Variants in NF1 observed in about 807,000 individuals in gnomAD.
The protein encoded by NF1 is neurofibromin.
Under a neutral mutation model 325.7 loss-of-function variants are expected in NF1, and 122 were observed. The observed-to-expected ratio is 0.37, with a 90% CI of 0.32 to 0.44. NF1 has a LOEUF of 0.44. NF1 is among the 20% of genes least tolerant of loss of function. The pLI is 1.00. For missense variants in NF1, 2,140 were observed against 3,415.4 expected (o/e 0.63, Z 9.31); for synonymous variants, 1,091 against 1,186.0 (o/e 0.92, Z 1.65).
chr17:31,185,878 T>C (rs891303350), intron 8 of NF1, among the ~76,000 whole-genome samples: 1 of 152,164 alleles, frequency 6.6e-6, no homozygotes, highest in Non-Finnish European at 1.5e-5. Flanking sequence ...CAGGCCCCCA[T>C]AGGTAAATCA....
At chr17:31,334,160 G>A (rs1049819981) in intron 39 of NF1, among the ~76,000 whole-genome samples, 2 of 151,592 alleles carry the variant, frequency 1.3e-5, no homozygotes, top group Non-Finnish European at 1.5e-5. Context: ...GTGGTGGTGG[G>A]CGCCTGTAGT....
rs2070719500 is a variant in NF1 at position 31,375,544 on chromosome 17, AG to A, written c.*1390del. The A allele has an allele frequency of 4.3e-6, 1 of 232,068 alleles. No homozygotes were observed. Among genetic ancestry groups the A allele is most frequent in the Non-Finnish European group, 8.5e-6 (1 of 117,162 alleles). 14.4% of individuals were successfully genotyped at this position (232,068 alleles called of 1,614,324 possible). A position where few individuals can be genotyped will look rare whatever the true frequency, so the allele number is the denominator to read the frequency against. ...TATTGGTATCTGGATGTTCCAATTT[AG>A]AACTAAACCATATTTATTACAAAAA... On this transcript the variant is annotated 3_prime_UTR_variant, in exon 58 of 58. Transcript: ENST00000358273.
intron 8 of NF1, among the ~76,000 whole-genome samples, chr17:31,187,616 CAA>C (rs1567829308): frequency 1.3e-5 from 2 of 152,136 alleles, no homozygotes; most frequent in African/African-American, 4.8e-5. Flanking sequence ...AGGGCTGGAG[CAA>C]AGTTTTCCAG....
intron 1 of NF1, among the ~76,000 whole-genome samples, chr17:31,154,218 GCTAA>G (rs1259339718): frequency 6.6e-6 from 1 of 151,748 alleles, no homozygotes; most frequent in African/African-American, 2.4e-5. Context: ...ACCACGCTCG[GCTAA>G]CTTTTTGTAT....
chr17:31,169,391 G>A (rs1597643169), intron 4 of NF1, among the ~76,000 whole-genome samples: 1 of 151,998 alleles, frequency 6.6e-6, no homozygotes, highest in African/African-American at 2.4e-5. Flanking sequence ...AATTATCATG[G>A]TTTCTTTTAT....
chr17:31,284,475 G>T (rs1402471231), intron 36 of NF1, among the ~76,000 whole-genome samples: 1 of 151,936 alleles, frequency 6.6e-6, no homozygotes, highest in Non-Finnish European at 1.5e-5. Flanking sequence ...AGTAGAGATG[G>T]GGTTTCACCA....
At chr17:31,349,287 C>T (rs2151573110) in intron 49 of NF1, 36 bp downstream of exon 49, 1 of 1,600,680 alleles carries the variant, frequency 6.2e-7, no homozygotes, top group South Asian at 1.1e-5. Flanking sequence ...AATCTTGCTA[C>T]ATCTATATAT....
intron 35 of NF1, among the ~76,000 whole-genome samples, chr17:31,264,391 AC>A (rs2067749467): frequency 6.6e-6 from 1 of 151,856 alleles, no homozygotes; most frequent in Non-Finnish European, 1.5e-5. Context: ...AGCCTGGTCA[AC>A]AAGAGCAAAA....
Position 31,358,739 on chromosome 17 carries a change from C to T in NF1, c.8113+117C>T, listed in dbSNP as rs925134308. 1.2e-5 allele frequency: 17 copies of T among 1,394,198 alleles called. No homozygotes were observed. In the African/African-American group the frequency reaches 2.2e-4, roughly 18 times the overall value. The allele number at this position is 1,394,198 out of a possible 1,614,324, so 86.4% of individuals were successfully genotyped here. Reference sequence around the variant, plus strand: ...GATAGACTTGTTCATACTTTTATTTCCATATTCCATTTTTTTACTCTCTCA... The same window carrying T: ...GATAGACTTGTTCATACTTTTATTTTCATATTCCATTTTTTTACTCTCTCA... On this transcript the variant is annotated intron_variant, in intron 55 of 57. Transcript: ENST00000358273.
intron 56 of NF1, chr17:31,360,269 A>G (rs1298651654): frequency 1.8e-6 from 1 of 567,286 alleles, no homozygotes; most frequent in Non-Finnish European, 3.1e-6. Flanking sequence ...GGCTTTCAGA[A>G]AATGCAGGTT....
intron 1 of NF1, among the ~76,000 whole-genome samples, chr17:31,125,999 A>G (rs1351444965): frequency 6.6e-6 from 1 of 152,200 alleles, no homozygotes; most frequent in Admixed American, 6.5e-5. Context: ...AGCCTGGCCA[A>G]CGTGGTAAAA....
chr17:31,359,206 TG>T, intron 56 of NF1, 191 bp downstream of exon 56: 1 of 565,808 alleles, frequency 1.8e-6, no homozygotes, highest in Non-Finnish European at 3.1e-6. Context: ...TTGGGGTGTG[TG>T]TATTCACTTT....
intron 29 of NF1, among the ~76,000 whole-genome samples, chr17:31,245,888 A>C (rs1474707985): frequency 1.3e-5 from 2 of 152,150 alleles, no homozygotes; most frequent in Non-Finnish European, 2.9e-5. Flanking sequence ...AGTGGGGCTG[A>C]AAGTCTCAAC....
intron 57 of NF1, chr17:31,367,284 C>T (rs2070543342): frequency 7.6e-7 from 1 of 1,308,838 alleles, no homozygotes; most frequent in Non-Finnish European, 1.0e-6. Context: ...TCAAGGTACT[C>T]TTTATTTTCA....
chr17:31,096,192 G>C (rs1397839439), intron 1 of NF1, among the ~76,000 whole-genome samples: 1 of 147,910 alleles, frequency 6.8e-6, no homozygotes, highest in Non-Finnish European at 1.5e-5. Context: ...GAGTGAGAAT[G>C]TTGGGGAGTA....
chr17:31,291,036 A>G (rs374168238), intron 36 of NF1, among the ~76,000 whole-genome samples: 2 of 142,700 alleles, frequency 1.4e-5, no homozygotes, highest in African/African-American at 6.1e-5. Context: ...AAATAAATAA[A>G]TAAATAAGTT....
At chr17:31,218,873 A>G in intron 13 of NF1, 132 bp from the exon 14 acceptor site, 2 of 897,672 alleles carry the variant, frequency 2.2e-6, no homozygotes, top group South Asian at 1.5e-5. Flanking sequence ...CGTCCAGCCT[A>G]GTTCTAGAAC....
At chr17:31,355,076 C>T (rs2070239155) in intron 51 of NF1, among the ~76,000 whole-genome samples, 1 of 152,044 alleles carries the variant, frequency 6.6e-6, no homozygotes, top group Non-Finnish European at 1.5e-5. Context: ...AGATAAACCA[C>T]AAGATGTACC....
chr17:31,340,005 C>T (rs1039172140), intron 46 of NF1, among the ~76,000 whole-genome samples: 8 of 152,116 alleles, frequency 5.3e-5, no homozygotes, highest in Non-Finnish European at 1.2e-4. Flanking sequence ...GGATAGACCT[C>T]ATCTCACATT....
Sources: gnomAD v4.1 joint callset for allele counts (sites outside exome capture counted in the v4.1 genomes callset) on GRCh38, gnomAD v4.1.1 for gene constraint, MANE v1.5 for transcripts, NCBI Gene and HGNC (gene_info 2026-07-23, HGNC 2026-07-21) for gene names.